The following ZMYM4 variants were observed in gnomAD, a reference collection of about 807,000 sequenced individuals.
ZMYM4 encodes zinc finger MYM-type containing 4.
Under a neutral mutation model 183.2 loss-of-function variants are expected in ZMYM4, and 31 were observed. The ratio of observed to expected loss-of-function variants is 0.17; its 90% confidence interval spans 0.13 to 0.23. The LOEUF (loss-of-function observed/expected upper bound fraction) is 0.23, where lower values mean the gene tolerates loss of function less well. Among genes scored for constraint, ZMYM4 ranks in the 10% least tolerant of loss-of-function variants. The pLI, the probability that ZMYM4 is intolerant of heterozygous loss-of-function variation, is 1.00. For synonymous variants in ZMYM4, 592 were observed against 631.2 expected, an observed-to-expected ratio of 0.94 and a Z score of 0.93; for missense variants, 1,273 against 1,840.3, an observed-to-expected ratio of 0.69 and a Z score of 5.64.
chr1:35,410,560 C>T (rs1436878734), intron 26 of ZMYM4, among the ~76,000 whole-genome samples: 2 of 151,884 alleles, frequency 1.3e-5, no homozygotes, highest in East Asian at 1.9e-4. Flanking sequence ...ACCATCTGGG[C>T]TCACTGCAAG....
intron 1 of ZMYM4, among the ~76,000 whole-genome samples, chr1:35,302,693 C>G (rs1641346845): frequency 6.6e-6 from 1 of 151,684 alleles, no homozygotes; most frequent in Admixed American, 6.6e-5. Context: ...CCTAATTTGA[C>G]TATTTTTTTG....
At chr1:35,361,506 A>G in intron 4 of ZMYM4, 113 bp from the exon 5 acceptor site, 1 of 1,244,068 alleles carries the variant, frequency 8.0e-7, no homozygotes, top group Non-Finnish European at 1.1e-6. Context: ...TCCAAAAGCT[A>G]ATGAATGTCC....
At chr1:35,380,298 A>ATTATTTATTTATTTATT (rs1042494198) in intron 7 of ZMYM4, among the ~76,000 whole-genome samples, 1 of 151,606 alleles carries the variant, frequency 6.6e-6, no homozygotes, top group Non-Finnish European at 1.5e-5. Flanking sequence ...ATTGGTTTTT[A>ATTATTTATTTATTTATT]TTATTTATTT....
intron 1 of ZMYM4, among the ~76,000 whole-genome samples, chr1:35,287,599 A>G (rs987669187): frequency 6.6e-6 from 1 of 150,382 alleles, no homozygotes; most frequent in Non-Finnish European, 1.5e-5. Flanking sequence ...TTTTATTTTT[A>G]TTTTTATTTT....
intron 19 of ZMYM4, chr1:35,396,910 CA>C: frequency 1.8e-6 from 1 of 546,538 alleles, no homozygotes; most frequent in Non-Finnish European, 2.5e-6. Flanking sequence ...ACAATAAGAC[CA>C]CTCAAATAGA....
chr1:35,384,022 C>A (rs900523115), intron 9 of ZMYM4, among the ~76,000 whole-genome samples: 4 of 152,144 alleles, frequency 2.6e-5, no homozygotes, highest in African/African-American at 7.2e-5. Context: ...TGCTACCTTC[C>A]TTTCTTCCTT....
At chr1:35,352,265 GCGCGCACACACACACACACACACACA>G (rs1643642537) in intron 2 of ZMYM4, among the ~76,000 whole-genome samples, 2 of 85,424 alleles carry the variant, frequency 2.3e-5, no homozygotes, top group South Asian at 8.0e-4. Flanking sequence ...GCGCACGCGC[GCGCGCACACACACACACACACACACA>G]CACACACACA....
At chr1:35,353,513 C>T (rs539394325) in intron 2 of ZMYM4, among the ~76,000 whole-genome samples, 10 of 152,144 alleles carry the variant, frequency 6.6e-5, no homozygotes, top group Non-Finnish European at 1.2e-4. Context: ...CTCTTCCTCT[C>T]ATACATGCAA....
At position 35,382,564 on chromosome 1, in the gene ZMYM4, T is replaced by TC. The variant is rs1464360352; in HGVS notation, c.1569+809dup. Among the ~76,000 whole-genome samples, 13 of 150,736 alleles carry TC rather than the reference T, an allele frequency of 8.6e-5. No individual in the cohort carries two copies. In the East Asian group the frequency reaches 2.6e-3, roughly 30 times the overall value. ...TTCAAGCGATTCTCCTGCCTCAGCC[T>TC]CCCAAGTAGCTAGGATTACAGGCGC... is the stretch of plus-strand genomic sequence containing the variant. On this transcript the variant is annotated intron_variant, in intron 9 of 29. Transcript: ENST00000314607.
At chr1:35,405,276 G>T in intron 24 of ZMYM4, 82 bp downstream of exon 24, 7 of 1,575,974 alleles carry the variant, frequency 4.4e-6, no homozygotes, top group Non-Finnish European at 6.0e-6. Context: ...TACATTTTAG[G>T]TCAAAAACCC....
In ZMYM4 at chr1:35,412,169, G is replaced by A. The variant is rs79047305; in HGVS notation, c.3949-1803G>A. Among the ~76,000 whole-genome samples, 1,133 of 151,486 alleles carry A rather than the reference G, an allele frequency of 7.5e-3. 19 individuals carry two copies. Among genetic ancestry groups the A allele is most frequent in the African/African-American group, 0.024 (997 of 40,880 alleles). On this transcript the variant is annotated intron_variant, in intron 26 of 29. Transcript: ENST00000314607. Reference sequence around the variant, plus strand: ...GCTGGGATTACAGGCATGAGCCACCGCACCTGGCGGGACTTTCTTAATTTC... The same window carrying A: ...GCTGGGATTACAGGCATGAGCCACCACACCTGGCGGGACTTTCTTAATTTC...
chr1:35,412,997 T>A (rs566723068), intron 26 of ZMYM4, among the ~76,000 whole-genome samples: 32 of 152,236 alleles, frequency 2.1e-4, no homozygotes, highest in South Asian at 1.7e-3. Context: ...ATTCCGTTAC[T>A]ACTCATGGTG....
intron 1 of ZMYM4, among the ~76,000 whole-genome samples, chr1:35,273,607 T>C (rs1309055322): frequency 6.6e-6 from 1 of 152,214 alleles, no homozygotes; most frequent in African/African-American, 2.4e-5. Context: ...ATTTGAGATG[T>C]ATATACCTGG....
At chr1:35,374,019 CTTTTT>C (rs397863926) in intron 7 of ZMYM4, among the ~76,000 whole-genome samples, 3 of 52,780 alleles carry the variant, frequency 5.7e-5, no homozygotes, top group African/African-American at 2.3e-4. Context: ...TCATGGGATT[CTTTTT>C]TTTTTTTTTT....
intron 2 of ZMYM4, among the ~76,000 whole-genome samples, chr1:35,331,485 T>G (rs1383892245): frequency 6.6e-6 from 1 of 152,158 alleles, no homozygotes; most frequent in East Asian, 1.9e-4. Context: ...AGCATTGTTA[T>G]CAATAAAATT....
At chr1:35,388,724 C>T (rs1644636365) in intron 13 of ZMYM4, among the ~76,000 whole-genome samples, 186 bp from the exon 14 acceptor site, 1 of 151,444 alleles carries the variant, frequency 6.6e-6, no homozygotes, top group African/African-American at 2.4e-5. Context: ...TTTTATTTGA[C>T]ATGGGGTCTT....
At chr1:35,403,648 G>T (rs894005616) in intron 23 of ZMYM4, among the ~76,000 whole-genome samples, 4 of 152,040 alleles carry the variant, frequency 2.6e-5, no homozygotes, top group Non-Finnish European at 5.9e-5. Context: ...ACTGGTTTTG[G>T]TATCAGGGTA....
At chr1:35,351,913 A>G (rs1643620995) in intron 2 of ZMYM4, among the ~76,000 whole-genome samples, 1 of 152,190 alleles carries the variant, frequency 6.6e-6, no homozygotes, top group Admixed American at 6.5e-5. Flanking sequence ...TAAAACAAAT[A>G]TTGTTCTTAA....
intron 27 of ZMYM4, among the ~76,000 whole-genome samples, chr1:35,414,727 C>T (rs907966634): frequency 2.0e-5 from 3 of 152,004 alleles, no homozygotes; most frequent in Non-Finnish European, 4.4e-5. Context: ...TTAAGAATTC[C>T]TATTTCATCA....
Sources: gnomAD v4.1 joint callset for allele counts (sites outside exome capture counted in the v4.1 genomes callset) on GRCh38, gnomAD v4.1.1 for gene constraint, MANE v1.5 for transcripts, NCBI Gene and HGNC (gene_info 2026-07-23, HGNC 2026-07-21) for gene names.